The following SYTL3 variants were observed in gnomAD, a reference collection of about 807,000 sequenced individuals.
The protein encoded by SYTL3 is synaptotagmin like 3, also known as synaptotagmin-like protein 3.
SYTL3 carries 88 observed loss-of-function variants against 82.1 expected under a neutral mutation model. The observed-to-expected ratio is 1.07, with a 90% CI of 0.90 to 1.28. The LOEUF is 1.28. SYTL3 is among the 50% of genes most tolerant of loss of function. The probability of loss-of-function intolerance (pLI) is 0.00; values close to 1 mark genes in which losing one functional copy is unlikely to be tolerated. For missense variants in SYTL3, 831 were observed against 757.6 expected (o/e 1.10, Z -1.14); for synonymous variants, 311 against 289.4 (o/e 1.07, Z -0.76).
At chr6:158,660,307 G>A (rs756343089) in intron 2 of SYTL3, among the ~76,000 whole-genome samples, 5 of 152,128 alleles carry the variant, frequency 3.3e-5, no homozygotes, top group African/African-American at 9.7e-5. Context: ...AAAAAAACCC[G>A]GAACAGCGCC....
intron 6 of SYTL3, among the ~76,000 whole-genome samples, chr6:158,702,434 G>A (rs1781424425): frequency 6.6e-6 from 1 of 151,370 alleles, no homozygotes; most frequent in African/African-American, 2.4e-5. Flanking sequence ...CTGCCTCCTG[G>A]AGGAGGCTGA....
At chr6:158,667,493 G>C (rs1239965104) in intron 5 of SYTL3, among the ~76,000 whole-genome samples, 3 of 152,136 alleles carry the variant, frequency 2.0e-5, no homozygotes, top group African/African-American at 7.2e-5. Flanking sequence ...CCTCTCTCCA[G>C]CTTTATCCAG....
chr6:158,764,394 TG>T, intron 17 of SYTL3, 100 bp from the exon 18 acceptor site: 1 of 826,592 alleles, frequency 1.2e-6, no homozygotes, highest in Non-Finnish European at 2.0e-6. Context: ...AATGTGGACT[TG>T]AGGTGAAAAA....
At position 158,713,827 on chromosome 6, in the gene SYTL3, T is replaced by C; in HGVS notation, c.544T>C (p.Phe182Leu). Residue 182 changes from phenylalanine to leucine, a missense_variant, in exon 9 of 18, where the codon TTT becomes CTT. By Grantham distance (22) the Phe-to-Leu change is conservative. Coordinates refer to ENST00000611299, the MANE Select transcript of SYTL3 (RefSeq NM_001242394.2). The stretch of plus-strand genomic sequence containing the variant: ...ACAGGAATTTGGTCAGTTTAGAGGA[T>C]TTAATAAGTCCGTGGAAAATTTGTT... ...RLQEFGQFRG[F>L]NKSVENLFLS... The C allele has an allele frequency of 1.3e-6, 2 of 1,550,504 alleles. No individual in the cohort carries two copies. The highest frequency in any genetic ancestry group is 4.9e-5 in the East Asian group (2 of 40,914).
At chr6:158,713,918 C>T in intron 9 of SYTL3, 40 bp downstream of exon 9, 1 of 1,474,012 alleles carries the variant, frequency 6.8e-7, no homozygotes, top group Non-Finnish European at 9.3e-7. Flanking sequence ...CACTACCTTC[C>T]AGGCCAGCCG....
chr6:158,684,172 G>A (rs1779043969), intron 6 of SYTL3, among the ~76,000 whole-genome samples: 1 of 152,172 alleles, frequency 6.6e-6, no homozygotes, highest in African/African-American at 2.4e-5. Context: ...GGTGTCCAGT[G>A]TGTGGCATTG....
In SYTL3 at chr6:158,764,748, C is replaced by A. The variant is rs990295997; in HGVS notation, c.*144C>A. 1.7e-5 allele frequency: 10 copies of A among 602,646 alleles called. No individual in the cohort carries two copies. The highest frequency in any genetic ancestry group is 1.5e-4 in the African/African-American group (8 of 54,272). The allele number at this position is 602,646 out of a possible 1,614,324, so 37.3% of individuals were successfully genotyped here. On this transcript the variant is annotated 3_prime_UTR_variant, in exon 18 of 18. Transcript: ENST00000611299. ...TCTGCGGCCCTGTCCCATGGCTTAA[C>A]CGCCTATTGGTATCTGTGTATATTT...
chr6:158,696,833 C>G (rs1474433620), intron 6 of SYTL3, among the ~76,000 whole-genome samples: 1 of 151,790 alleles, frequency 6.6e-6, no homozygotes, highest in East Asian at 1.9e-4. Context: ...GACATATAGA[C>G]CAATGGAATA....
At position 158,690,424 on chromosome 6, in the gene SYTL3, A is replaced by G. The variant is rs758374139; in HGVS notation, c.394+7435A>G. 1.6e-4 allele frequency among the ~76,000 whole-genome samples: 24 copies of G among 152,322 alleles called. No individual in the cohort carries two copies. In the Middle Eastern group the frequency reaches 0.01, roughly 65 times the overall value. Reference sequence around the variant, plus strand: ...AGTTGCAGTAATTCCAGGAATCATTACACCCTCTGCACCCAGTTTCCTTTT... The same window carrying G: ...AGTTGCAGTAATTCCAGGAATCATTGCACCCTCTGCACCCAGTTTCCTTTT... On this transcript the variant is annotated intron_variant, in intron 6 of 17. Transcript: ENST00000611299.
rs1193990568 is a variant in SYTL3 at position 158,702,326 on chromosome 6, C to CAAA, written c.395-4886_395-4884dup. 4.7e-3 allele frequency among the ~76,000 whole-genome samples: 330 copies of CAAA among 70,652 alleles called. 2 individuals carry two copies. Among genetic ancestry groups the CAAA allele is most frequent in the African/African-American group, 0.012 (244 of 21,110 alleles). The allele number at this position is 70,652 out of a possible 152,430, so 46.4% of individuals were successfully genotyped here. ...GGGCAACAAGAGTGAGACTCTGTCT[C>CAAA]AAAAAAAAAAAAAAAAAAAATTTTT... On this transcript the variant is annotated intron_variant, in intron 6 of 17. Transcript: ENST00000611299.
chr6:158,708,335 G>C lies in SYTL3; in HGVS notation c.460G>C (p.Val154Leu). 1 of 1,614,156 alleles carries C rather than the reference G, an allele frequency of 6.2e-7. No individual in the cohort carries two copies. Among genetic ancestry groups the C allele is most frequent in the Non-Finnish European group, 8.5e-7 (1 of 1,180,022 alleles). The stretch of plus-strand genomic sequence containing the variant: ...TTTCCTTGGCAGCAAAATTTCTGTG[G>C]TTCCTCCTACTCCACCTCCTGTCAG... ...SYQKLSKISVVPPTPPPVSES... is the reference protein window; with the variant it reads ...SYQKLSKISVLPPTPPPVSES... Residue 154 changes from valine to leucine, a missense_variant, in exon 8 of 18, where the codon GTT (valine) becomes CTT (leucine). By Grantham distance (32) the Val-to-Leu change is conservative. Transcript: ENST00000611299.
chr6:158,756,548 A>G (rs543963079), intron 13 of SYTL3, among the ~76,000 whole-genome samples: 1 of 152,066 alleles, frequency 6.6e-6, no homozygotes, highest in South Asian at 2.1e-4. Flanking sequence ...TGTCTCTACT[A>G]AAAATACAAA....
chr6:158,749,505 CTCTTTTTTTTTT>C (rs1359022127), intron 12 of SYTL3, among the ~76,000 whole-genome samples: 1 of 94,316 alleles, frequency 1.1e-5, no homozygotes, highest in East Asian at 2.3e-4. Context: ...TTTTCTTTCT[CTCTTTTTTTTTT>C]TTTTTTTTTT....
Position 158,663,852 on chromosome 6 carries a change from C to G in SYTL3, c.110+474C>G, listed in dbSNP as rs908146815. 5.9e-5 allele frequency among the ~76,000 whole-genome samples: 9 copies of G among 152,206 alleles called. No individual in the cohort carries two copies. In the South Asian group the frequency reaches 1.2e-3, roughly 21 times the overall value. ...AGCCCTGTCTTTTTTTCTTTGCTCG[C>G]TTTTGCTTCCCAGCTGGCTTTGAGG... On this transcript the variant is annotated intron_variant, in intron 4 of 17. Transcript: ENST00000611299.
At chr6:158,719,224 C>T (rs1463497846) in intron 10 of SYTL3, among the ~76,000 whole-genome samples, 4 of 152,192 alleles carry the variant, frequency 2.6e-5, no homozygotes, top group Non-Finnish European at 5.9e-5. Flanking sequence ...CTTAACTAGG[C>T]TATCTCATTT....
At chr6:158,731,970 C>A (rs540751858) in intron 11 of SYTL3, among the ~76,000 whole-genome samples, 4 of 152,268 alleles carry the variant, frequency 2.6e-5, no homozygotes, top group African/African-American at 9.6e-5. Flanking sequence ...ATTTACATAA[C>A]CAAAAACAGC....
intron 10 of SYTL3, among the ~76,000 whole-genome samples, chr6:158,722,664 G>A (rs996538033): frequency 2.7e-5 from 4 of 150,694 alleles, no homozygotes; most frequent in Admixed American, 2.7e-4. Context: ...ACATGCACCT[G>A]TTAAACAGGA....
intron 12 of SYTL3, among the ~76,000 whole-genome samples, chr6:158,749,454 G>C (rs956503443): frequency 6.0e-5 from 8 of 133,864 alleles, no homozygotes; most frequent in Non-Finnish European, 1.1e-4. Context: ...GTAAAACTTT[G>C]TGCTAATAAA....
At chr6:158,735,441 G>T (rs750845217) in intron 11 of SYTL3, among the ~76,000 whole-genome samples, 8 of 152,028 alleles carry the variant, frequency 5.3e-5, no homozygotes, top group Non-Finnish European at 7.4e-5. Context: ...TCTCTGATTT[G>T]TGCCCTTAAA....
Sources: gnomAD v4.1 joint callset for allele counts (sites outside exome capture counted in the v4.1 genomes callset) on GRCh38, gnomAD v4.1.1 for gene constraint, MANE v1.5 for transcripts, NCBI Gene and HGNC (gene_info 2026-07-23, HGNC 2026-07-21) for gene names.